Variants in SIL1 observed in about 807,000 individuals in gnomAD.
SIL1 encodes the protein SIL1 nucleotide exchange factor.
In SIL1, 40 loss-of-function variants were observed where a neutral mutation model predicts 49.1. The ratio of observed to expected loss-of-function variants is 0.81; its 90% CI spans 0.63 to 1.06. The LOEUF is 1.06. Among genes scored for constraint, SIL1 ranks in the 50% least tolerant of loss-of-function variants. SIL1 has a pLI of 0.00. For synonymous variants in SIL1, 253 were observed against 250.8 expected, an observed-to-expected ratio of 1.01 and a Z score of -0.08; for missense variants, 500 against 572.6, an observed-to-expected ratio of 0.87 and a Z score of 1.29.
intron 1 of SIL1, among the ~76,000 whole-genome samples, chr5:139,180,828 A>G (rs1410462597): frequency 1.3e-5 from 2 of 152,164 alleles, no homozygotes; most frequent in African/African-American, 2.4e-5. Context: ...GTGCTCCATC[A>G]CACCATCAGA....
intron 3 of SIL1, among the ~76,000 whole-genome samples, chr5:139,103,089 T>C (rs1262971251): frequency 6.6e-6 from 1 of 152,092 alleles, no homozygotes; most frequent in Non-Finnish European, 1.5e-5. Context: ...CAGCACCCTG[T>C]GAGGCATTAG....
At chr5:138,989,202 T>C (rs1767705128) in intron 7 of SIL1, among the ~76,000 whole-genome samples, 1 of 152,168 alleles carries the variant, frequency 6.6e-6, no homozygotes, top group South Asian at 2.1e-4. Context: ...ATCTGGACAC[T>C]TACCAAAATA....
chr5:139,188,822 A>G (rs983378139), intron 1 of SIL1, among the ~76,000 whole-genome samples: 10 of 152,192 alleles, frequency 6.6e-5, no homozygotes, highest in African/African-American at 1.4e-4. Flanking sequence ...CCCTACCCCA[A>G]TAAAATCCCC....
At chr5:139,069,567 T>A (rs1769783392) in intron 3 of SIL1, among the ~76,000 whole-genome samples, 1 of 152,062 alleles carries the variant, frequency 6.6e-6, no homozygotes, top group African/African-American at 2.4e-5. Context: ...AGAAATCTAA[T>A]TTCACATAAA....
At chr5:139,116,298 T>G (rs1410493697) in intron 3 of SIL1, among the ~76,000 whole-genome samples, 1 of 152,244 alleles carries the variant, frequency 6.6e-6, no homozygotes, top group African/African-American at 2.4e-5. Context: ...GTTGATGATT[T>G]GGAATTTTTT....
chr5:139,027,992 A>G (rs1202475720), intron 5 of SIL1, among the ~76,000 whole-genome samples: 1 of 152,158 alleles, frequency 6.6e-6, no homozygotes, highest in Non-Finnish European at 1.5e-5. Flanking sequence ...GGGGCGCCAC[A>G]TCCTGATTCT....
In SIL1 at chr5:139,164,710, A is replaced by T. The variant is rs372335369; in HGVS notation, c.-11+33559T>A. On this transcript the variant is annotated intron_variant, in intron 1 of 9. Coordinates refer to ENST00000394817, the MANE Select transcript of SIL1 (RefSeq NM_022464.5). ...GATGAAGAAACTAAGTCACAGAAGT[A>T]ATAAGAACAAAGTCCAAAAGCTAGT... 1.1e-4 allele frequency among the ~76,000 whole-genome samples: 17 copies of T among 152,344 alleles called. No individual in the cohort carries two copies. The South Asian group carries it at 3.1e-3, about 28-fold the overall frequency.
chr5:139,001,406 A>G (rs907074612), intron 7 of SIL1, among the ~76,000 whole-genome samples: 5 of 152,246 alleles, frequency 3.3e-5, no homozygotes, highest in Non-Finnish European at 7.3e-5. Context: ...ATGCACAAGG[A>G]TACTCATTGC....
chr5:139,023,091 A>G (rs1768565088), intron 6 of SIL1, among the ~76,000 whole-genome samples: 1 of 152,258 alleles, frequency 6.6e-6, no homozygotes, highest in Non-Finnish European at 1.5e-5. Flanking sequence ...CTATTACTAC[A>G]ATGATAATTC....
chr5:139,029,622 G>A (rs953501614), intron 5 of SIL1, among the ~76,000 whole-genome samples: 4 of 151,136 alleles, frequency 2.6e-5, no homozygotes, highest in African/African-American at 7.3e-5. Flanking sequence ...CCACCCCAGC[G>A]TGAGTAGTTA....
chr5:139,070,336 C>T (rs143696876), intron 3 of SIL1, among the ~76,000 whole-genome samples: 1 of 151,668 alleles, frequency 6.6e-6, no homozygotes. Flanking sequence ...GATGTAATAT[C>T]GAAGAGATTA....
chr5:138,955,250 G>A (rs966370546), intron 7 of SIL1, among the ~76,000 whole-genome samples: 11 of 152,186 alleles, frequency 7.2e-5, no homozygotes, highest in Non-Finnish European at 1.2e-4. Flanking sequence ...GCTCATCTCC[G>A]ATGCGATAAA....
rs558795256 is a variant in SIL1 at position 139,117,517 on chromosome 5, A to G, written c.244+3518T>C. ...CTGTGACCAGCATTCTGTAATACCA[A>G]CTGCACAGGTCCAAAGTCCTAGTGT... On this transcript the variant is annotated intron_variant, in intron 3 of 9. Coordinates refer to ENST00000394817, the MANE Select transcript of SIL1 (RefSeq NM_022464.5). Among the ~76,000 whole-genome samples, 13 of 152,156 alleles carry G rather than the reference A, an allele frequency of 8.5e-5. No individual in the cohort carries two copies. In the East Asian group the frequency reaches 1.4e-3, roughly 16 times the overall value.
chr5:139,170,586 C>G (rs1400830114), intron 1 of SIL1, among the ~76,000 whole-genome samples: 1 of 151,598 alleles, frequency 6.6e-6, no homozygotes, highest in Non-Finnish European at 1.5e-5. Context: ...AGGAGCGTCT[C>G]TGCCCGGCCG....
chr5:139,122,594 CAAA>C (rs35550881), intron 2 of SIL1, among the ~76,000 whole-genome samples: 1 of 136,410 alleles, frequency 7.3e-6, no homozygotes, highest in Non-Finnish European at 1.6e-5. Flanking sequence ...GACCCTGTCT[CAAA>C]AAAAAAAAAA....
intron 1 of SIL1, among the ~76,000 whole-genome samples, chr5:139,148,542 G>A (rs1270980469): frequency 6.6e-6 from 1 of 152,216 alleles, no homozygotes; most frequent in Non-Finnish European, 1.5e-5. Context: ...ACATATCCTG[G>A]AAACAGTCTG....
Position 138,951,382 on chromosome 5 carries a change from C to A in SIL1, c.865-47G>T, listed in dbSNP as rs369281003. 7 of 1,545,686 alleles carry A rather than the reference C, an allele frequency of 4.5e-6. No individual in the cohort carries two copies. The African/African-American group carries it at 9.6e-5, about 21-fold the overall frequency. ...TAGGTGAGGGGCCAAGCGAGCTGGACCTGCCCTGAGGCCCAGGGAAGGCAG... is the reference window on the plus strand; with the variant it reads ...TAGGTGAGGGGCCAAGCGAGCTGGAACTGCCCTGAGGCCCAGGGAAGGCAG... On this transcript the variant is annotated intron_variant, in intron 8 of 9. Transcript: ENST00000394817.
chr5:138,979,412 T>C (rs953832601), intron 7 of SIL1, among the ~76,000 whole-genome samples: 1 of 152,234 alleles, frequency 6.6e-6, no homozygotes, highest in Non-Finnish European at 1.5e-5. Context: ...AATCAACTTC[T>C]GACATGTAAA....
At chr5:139,148,866 C>T (rs1260374258) in intron 1 of SIL1, among the ~76,000 whole-genome samples, 4 of 152,176 alleles carry the variant, frequency 2.6e-5, no homozygotes, top group Non-Finnish European at 4.4e-5. Context: ...TGCCCTCCTG[C>T]AAAGTAGGAG....
Sources: gnomAD v4.1 joint callset for allele counts (sites outside exome capture counted in the v4.1 genomes callset) on GRCh38, gnomAD v4.1.1 for gene constraint, MANE v1.5 for transcripts, NCBI Gene and HGNC (gene_info 2026-07-23, HGNC 2026-07-21) for gene names.